The following CHST9 variants were observed in gnomAD, a reference collection of about 807,000 sequenced individuals.
The protein encoded by CHST9 is carbohydrate sulfotransferase 9.
A neutral mutation model predicts 44.4 loss-of-function variants in CHST9; 41 were observed. The observed-to-expected ratio is 0.92, with a 90% confidence interval of 0.72 to 1.20. The LOEUF is 1.20. Ranked by LOEUF, CHST9 falls within the 50% of genes most tolerant of loss-of-function variation. The pLI is 0.00. For missense variants in CHST9, 504 were observed against 516.5 expected (o/e 0.98, Z 0.23); for synonymous variants, 171 against 178.4 (o/e 0.96, Z 0.33).
chr18:27,177,315 T>G (rs1259284129), intron 1 of CHST9, among the ~76,000 whole-genome samples: 2 of 151,970 alleles, frequency 1.3e-5, no homozygotes, highest in African/African-American at 4.8e-5. Flanking sequence ...TTTAAAACTG[T>G]GCCTATTTAA....
intron 2 of CHST9, among the ~76,000 whole-genome samples, chr18:27,062,143 T>C (rs976688265): frequency 2.0e-5 from 3 of 152,164 alleles, no homozygotes; most frequent in Non-Finnish European, 4.4e-5. Flanking sequence ...TTCAAACTTA[T>C]ACTGTTGTTT....
intron 2 of CHST9, among the ~76,000 whole-genome samples, chr18:27,107,137 A>C (rs1346856063): frequency 6.6e-6 from 1 of 152,222 alleles, no homozygotes; most frequent in East Asian, 1.9e-4. Flanking sequence ...ATGTGGAAGA[A>C]TAGTGAAGTG....
chr18:27,036,829 T>C (rs1241217899), intron 3 of CHST9, among the ~76,000 whole-genome samples: 1 of 152,152 alleles, frequency 6.6e-6, no homozygotes, highest in East Asian at 1.9e-4. Context: ...TTTAACAGAT[T>C]TTACATGTAC....
chr18:27,100,385 G>A (rs923439949), intron 2 of CHST9, among the ~76,000 whole-genome samples: 1 of 152,016 alleles, frequency 6.6e-6, no homozygotes, highest in African/African-American at 2.4e-5. Flanking sequence ...AAAAGAACCT[G>A]CACATGTACT....
At chr18:26,980,058 A>C (rs915013120) in intron 4 of CHST9, among the ~76,000 whole-genome samples, 2 of 152,128 alleles carry the variant, frequency 1.3e-5, no homozygotes, top group African/African-American at 4.8e-5. Flanking sequence ...TATATCCCAG[A>C]GTTCATCAAG....
intron 2 of CHST9, among the ~76,000 whole-genome samples, chr18:27,104,911 T>C (rs2058207432): frequency 6.6e-6 from 1 of 152,258 alleles, no homozygotes; most frequent in East Asian, 1.9e-4. Flanking sequence ...GCCTGGCTCA[T>C]AGACGGCACT....
At chr18:26,964,426 T>C (rs1231375124) in intron 4 of CHST9, among the ~76,000 whole-genome samples, 2 of 152,370 alleles carry the variant, frequency 1.3e-5, no homozygotes, top group East Asian at 1.9e-4. Flanking sequence ...TCCCATTTAG[T>C]GCATGTTACT....
At chr18:26,985,051 A>G (rs1246308268) in intron 4 of CHST9, among the ~76,000 whole-genome samples, 1 of 152,212 alleles carries the variant, frequency 6.6e-6, no homozygotes. Context: ...AAAGATATTT[A>G]TTGTAATACT....
chr18:27,065,139 A>G (rs2057766779), intron 2 of CHST9, among the ~76,000 whole-genome samples: 1 of 152,250 alleles, frequency 6.6e-6, no homozygotes, highest in Non-Finnish European at 1.5e-5. Context: ...ATACATACAT[A>G]TTAAGGAAGT....
chr18:27,137,016 T>C (rs929132939), intron 2 of CHST9, among the ~76,000 whole-genome samples: 6 of 152,158 alleles, frequency 3.9e-5, no homozygotes, highest in Non-Finnish European at 8.8e-5. Context: ...CATTACTTGA[T>C]AGAAAATGTT....
intron 2 of CHST9, among the ~76,000 whole-genome samples, chr18:27,095,596 A>T (rs1271770271): frequency 1.3e-5 from 2 of 152,190 alleles, no homozygotes. Flanking sequence ...TTGTAGAAAG[A>T]TCTACCATGG....
intron 2 of CHST9, among the ~76,000 whole-genome samples, chr18:27,092,955 T>C (rs2058083675): frequency 6.6e-6 from 1 of 152,220 alleles, no homozygotes. Context: ...TAGATGTCTA[T>C]TAGGTCCGCT....
Position 27,085,828 on chromosome 18 carries a change from T to C in CHST9, c.122-37325A>G, listed in dbSNP as rs114972387. ...AAAGACACATGCATGTGTATGTTCATTGCAGTACTGTTCACACTAGCAAAG... is the reference window on the plus strand; with the variant it reads ...AAAGACACATGCATGTGTATGTTCACTGCAGTACTGTTCACACTAGCAAAG... On this transcript the variant is annotated intron_variant, in intron 2 of 5. Coordinates refer to ENST00000618847, the MANE Select transcript of CHST9 (RefSeq NM_031422.6). 2.1e-3 allele frequency among the ~76,000 whole-genome samples: 321 copies of C among 152,318 alleles called. 2 individuals are homozygous for C. The highest frequency in any genetic ancestry group is 7.6e-3 in the African/African-American group (314 of 41,582).
intron 2 of CHST9, among the ~76,000 whole-genome samples, chr18:27,123,279 AC>A (rs912512142): frequency 2.6e-5 from 4 of 152,038 alleles, no homozygotes; most frequent in African/African-American, 7.2e-5. Flanking sequence ...ACCTCCATAC[AC>A]CCATACTCTG....
At chr18:27,146,677 G>T (rs1211892148) in intron 1 of CHST9, among the ~76,000 whole-genome samples, 1 of 152,068 alleles carries the variant, frequency 6.6e-6, no homozygotes, top group African/African-American at 2.4e-5. Flanking sequence ...AGCCTAAAAG[G>T]TACTTAAAAA....
At chr18:26,934,706 TACCAATTTCCTG>T (rs1166026347) in intron 5 of CHST9, 3 of 152,232 alleles carry the variant, frequency 2.0e-5, no homozygotes, top group Non-Finnish European at 2.9e-5. Context: ...AAAAATTTCA[TACCAATTTCCTG>T]AGGTAATTTC....
At chr18:27,178,765 T>C (rs959397626) in intron 1 of CHST9, among the ~76,000 whole-genome samples, 2 of 152,008 alleles carry the variant, frequency 1.3e-5, no homozygotes, top group South Asian at 2.1e-4. Context: ...ACTTCTAATA[T>C]GCTGCACAGG....
Position 26,916,591 on chromosome 18 carries a change from T to C in CHST9, c.1000A>G (p.Ile334Val). 1 of 1,613,856 alleles carries C rather than the reference T, an allele frequency of 6.2e-7. No individual in the cohort carries two copies. Among genetic ancestry groups the C allele is most frequent in the South Asian group, 1.1e-5 (1 of 91,068 alleles). Residue 334 changes from isoleucine to valine, a missense_variant, in exon 6 of 6, where the codon ATC becomes GTC. By Grantham distance (29) the Ile-to-Val change is conservative. Coordinates refer to ENST00000618847, the MANE Select transcript of CHST9 (RefSeq NM_031422.6). ...CGGTGGGAATCCAGCAAGTAGTGGA[T>C]AAACTCTTTGAACTTGACTCCAGAT... ...NGSGVKFKEF[I>V]HYLLDSHRPV...
chr18:27,088,835 C>A (rs1328334905), intron 2 of CHST9, among the ~76,000 whole-genome samples: 1 of 152,158 alleles, frequency 6.6e-6, no homozygotes, highest in Non-Finnish European at 1.5e-5. Context: ...GAGGAGCTGC[C>A]AGACAGGGTT....
Sources: gnomAD v4.1 joint callset for allele counts (sites outside exome capture counted in the v4.1 genomes callset) on GRCh38, gnomAD v4.1.1 for gene constraint, MANE v1.5 for transcripts, NCBI Gene and HGNC (gene_info 2026-07-23, HGNC 2026-07-21) for gene names.